The following JAM2 variants were observed in gnomAD, a reference collection of about 807,000 sequenced individuals.
JAM2 encodes junctional adhesion molecule B.
In JAM2, 17 loss-of-function variants were observed where a neutral mutation model predicts 42.0. The observed-to-expected ratio is 0.40, with a 90% confidence interval of 0.28 to 0.61. The LOEUF (loss-of-function observed/expected upper bound fraction) is 0.61. Ranked by LOEUF, JAM2 falls within the 20% of genes least tolerant of loss-of-function variation. The pLI, the probability that JAM2 is intolerant of heterozygous loss-of-function variation, is 0.37. For missense variants in JAM2, 319 were observed against 358.3 expected, an observed-to-expected ratio of 0.89 and a Z score of 0.89; for synonymous variants, 118 against 128.6, an observed-to-expected ratio of 0.92 and a Z score of 0.56.
At chr21:25,660,075 T>C (rs1198644754) in intron 1 of JAM2, among the ~76,000 whole-genome samples, 1 of 152,016 alleles carries the variant, frequency 6.6e-6, no homozygotes, top group East Asian at 1.9e-4. Flanking sequence ...CCCCCGACCA[T>C]GCTCAGCTAA....
intron 1 of JAM2, among the ~76,000 whole-genome samples, chr21:25,679,665 G>A (rs1463203326): frequency 2.6e-5 from 4 of 152,208 alleles, no homozygotes; most frequent in South Asian, 2.1e-4. Context: ...CTGGGGTTAC[G>A]TTGGTGTCCT....
chr21:25,648,693 G>T (rs757276210), intron 1 of JAM2, among the ~76,000 whole-genome samples: 1 of 151,940 alleles, frequency 6.6e-6, no homozygotes, highest in Non-Finnish European at 1.5e-5. Context: ...GGTGCTTTTG[G>T]TATATTCTTT....
chr21:25,702,033 C>G (rs2034176356), intron 5 of JAM2, 137 bp from the exon 6 acceptor site: 1 of 465,630 alleles, frequency 2.1e-6, no homozygotes, highest in African/African-American at 1.9e-5. Context: ...TTTTTAAATT[C>G]ATAGTAAAGA....
intron 1 of JAM2, among the ~76,000 whole-genome samples, chr21:25,671,737 G>A (rs571222891): frequency 6.6e-6 from 1 of 152,310 alleles, no homozygotes; most frequent in African/African-American, 2.4e-5. Flanking sequence ...TCGAACTCCT[G>A]ACCTCAAGCA....
At chr21:25,651,034 A>C (rs2032760692) in intron 1 of JAM2, among the ~76,000 whole-genome samples, 1 of 149,446 alleles carries the variant, frequency 6.7e-6, no homozygotes, top group Non-Finnish European at 1.5e-5. Context: ...TAGGTAAATA[A>C]ATAAATAAAA....
intron 4 of JAM2, 37 bp downstream of exon 4, chr21:25,693,945 T>G (rs979417553): frequency 6.3e-7 from 1 of 1,598,610 alleles, no homozygotes; most frequent in South Asian, 1.1e-5. Context: ...CGTCTCCCAC[T>G]CCTTCTCCAC....
In JAM2 at chr21:25,689,949, G is replaced by T; in HGVS notation, c.217G>T (p.Val73Phe). ...GAAACTGGGTCGGAGTGTCTCCTTT[G>T]TCTACTATCAACAGACTCTTCAAGG... is the stretch of plus-strand genomic sequence containing the variant. ...WKKLGRSVSF[V>F]YYQQTLQGDF... Residue 73 changes from valine to phenylalanine, a missense_variant, in exon 3 of 10, where the codon GTC becomes TTC. Physicochemically the swap from Val to Phe is conservative, Grantham distance 50. Transcript: ENST00000480456. 1 of 1,611,442 alleles carries T rather than the reference G, an allele frequency of 6.2e-7. No homozygotes were observed. The highest frequency in any genetic ancestry group is 8.5e-7 in the Non-Finnish European group (1 of 1,177,696).
intron 1 of JAM2, among the ~76,000 whole-genome samples, chr21:25,649,651 G>A (rs2032716869): frequency 6.6e-6 from 1 of 152,058 alleles, no homozygotes; most frequent in African/African-American, 2.4e-5. Flanking sequence ...TCCCCTCATG[G>A]CCTAATCTCT....
At chr21:25,696,934 C>T (rs2034050036) in intron 4 of JAM2, among the ~76,000 whole-genome samples, 1 of 151,920 alleles carries the variant, frequency 6.6e-6, no homozygotes, top group African/African-American at 2.4e-5. Flanking sequence ...CTTACTACAA[C>T]CTCAAACTCC....
chr21:25,692,538 T>C (rs1340973003), intron 3 of JAM2: 1 of 186,334 alleles, frequency 5.4e-6, no homozygotes, highest in East Asian at 1.3e-4. Context: ...TCCACTGATA[T>C]GGGCAAGACC....
intron 1 of JAM2, among the ~76,000 whole-genome samples, chr21:25,659,261 T>C (rs922706992): frequency 3.9e-4 from 60 of 152,244 alleles, no homozygotes; most frequent in African/African-American, 1.3e-3. Flanking sequence ...AGCCTTTTTT[T>C]TTTTTTGCTG....
intron 1 of JAM2, among the ~76,000 whole-genome samples, chr21:25,672,417 G>A (rs1440038241): frequency 6.6e-6 from 1 of 152,190 alleles, no homozygotes; most frequent in African/African-American, 2.4e-5. Context: ...CAGAGACTCA[G>A]TTTTAACCAC....
intron 2 of JAM2, among the ~76,000 whole-genome samples, chr21:25,689,515 A>G (rs73335947): frequency 0.013 from 1,994 of 152,296 alleles, 52 homozygotes; most frequent in African/African-American, 0.045. Flanking sequence ...AATAAGACAC[A>G]TAGTTAATCA....
chr21:25,674,844 T>C (rs2033445635), intron 1 of JAM2, among the ~76,000 whole-genome samples: 1 of 151,878 alleles, frequency 6.6e-6, no homozygotes, highest in South Asian at 2.1e-4. Flanking sequence ...AGTTCCTACC[T>C]CATTGGGTTA....
chr21:25,714,456 C>A (rs896062848), intron 9 of JAM2, 184 bp from the exon 10 acceptor site: 2 of 505,282 alleles, frequency 4.0e-6, no homozygotes, highest in Admixed American at 4.0e-5. Flanking sequence ...TGAGATCACG[C>A]CACTGCAGTC....
At chr21:25,696,265 G>A (rs1261329167) in intron 4 of JAM2, among the ~76,000 whole-genome samples, 2 of 152,192 alleles carry the variant, frequency 1.3e-5, no homozygotes, top group Non-Finnish European at 2.9e-5. Flanking sequence ...GCGCGCGCCT[G>A]CAATCCCAGG....
chr21:25,695,056 T>C (rs1335818900), intron 4 of JAM2, among the ~76,000 whole-genome samples: 3 of 151,262 alleles, frequency 2.0e-5, no homozygotes, highest in African/African-American at 2.4e-5. Flanking sequence ...CATAGGACAA[T>C]AGTGGAGGGA....
chr21:25,646,206 G>A (rs1265422943), intron 1 of JAM2, among the ~76,000 whole-genome samples: 3 of 152,184 alleles, frequency 2.0e-5, no homozygotes, highest in Non-Finnish European at 4.4e-5. Context: ...TGACCAAAAT[G>A]TCATTATGCA....
At chr21:25,704,485 C>T (rs1460404868) in intron 6 of JAM2, among the ~76,000 whole-genome samples, 1 of 152,176 alleles carries the variant, frequency 6.6e-6, no homozygotes, top group East Asian at 1.9e-4. Flanking sequence ...TTCACTTAAA[C>T]AGTATCTCTA....
Sources: gnomAD v4.1 joint callset for allele counts (sites outside exome capture counted in the v4.1 genomes callset) on GRCh38, gnomAD v4.1.1 for gene constraint, MANE v1.5 for transcripts, NCBI Gene and HGNC (gene_info 2026-07-23, HGNC 2026-07-21) for gene names.